N4BP2L1: variants seen among roughly 807,000 people sequenced by gnomAD.
N4BP2L1 encodes NEDD4-binding protein 2-like 1.
Under a neutral mutation model 21.2 loss-of-function variants are expected in N4BP2L1, and 12 were observed. That is an observed-to-expected ratio of 0.57 (90% CI 0.36 to 0.92). The LOEUF (loss-of-function observed/expected upper bound fraction) is 0.92. Among genes scored for constraint, N4BP2L1 ranks in the 40% least tolerant of loss-of-function variants. The pLI is 0.01. For synonymous variants in N4BP2L1, 104 were observed against 112.8 expected (o/e 0.92, Z 0.49); for missense variants, 259 against 310.6 (o/e 0.83, Z 1.25).
intron 4 of N4BP2L1, chr13:32,404,120 C>T: frequency 2.5e-6 from 4 of 1,578,444 alleles, no homozygotes; most frequent in Non-Finnish European, 3.4e-6. Flanking sequence ...CAAGATTTAG[C>T]ATTTAGCATT....
Position 32,402,881 on chromosome 13 carries a change from A to T in N4BP2L1, c.*61T>A. The T allele has an allele frequency of 6.6e-7, 1 of 1,508,790 alleles. No homozygotes were observed. The highest frequency in any genetic ancestry group is 8.9e-7 in the Non-Finnish European group (1 of 1,129,038). 93.5% of individuals were successfully genotyped at this position (1,508,790 alleles called of 1,614,324 possible). ...AGCTCTGACTAAAATGCAACAAAAA[A>T]TAACAAAAACTGAAGTAGAAACTGA... On this transcript the variant is annotated 3_prime_UTR_variant, in exon 5 of 5. Transcript: ENST00000380130.
At chr13:32,404,061 C>A in intron 4 of N4BP2L1, 3 of 1,157,606 alleles carry the variant, frequency 2.6e-6, no homozygotes, top group Non-Finnish European at 3.6e-6. Flanking sequence ...GATGAAGAAG[C>A]ATTTTAGCAG....
chr13:32,424,798 C>A (rs1380512107), intron 1 of N4BP2L1: 2 of 152,140 alleles, frequency 1.3e-5, no homozygotes, highest in African/African-American at 4.8e-5. Flanking sequence ...GTTAAAACTC[C>A]AACTTTTAAA....
chr13:32,423,694 C>G (rs2074609860), intron 1 of N4BP2L1, among the ~76,000 whole-genome samples: 1 of 152,110 alleles, frequency 6.6e-6, no homozygotes, highest in African/African-American at 2.4e-5. Context: ...AGGACAAATA[C>G]CATATGATCC....
chr13:32,413,557 G>GTT (rs2073973844), intron 1 of N4BP2L1, among the ~76,000 whole-genome samples: 4 of 152,126 alleles, frequency 2.6e-5, no homozygotes, highest in African/African-American at 4.8e-5. Context: ...GCTAAAGGGT[G>GTT]GTGTTAGCCA....
At chr13:32,415,968 A>G (rs987898414) in intron 1 of N4BP2L1, 3 of 152,232 alleles carry the variant, frequency 2.0e-5, no homozygotes, top group African/African-American at 7.2e-5. Context: ...CCTCTGGCAC[A>G]TAAGGTCCAC....
At chr13:32,427,674 C>T (rs974485586) in intron 1 of N4BP2L1, among the ~76,000 whole-genome samples, 1 of 152,084 alleles carries the variant, frequency 6.6e-6, no homozygotes, top group Non-Finnish European at 1.5e-5. Flanking sequence ...TCTCCGTGCC[C>T]GCGCCCTCAG....
intron 1 of N4BP2L1, among the ~76,000 whole-genome samples, chr13:32,413,285 T>C (rs539801538): frequency 6.6e-6 from 1 of 152,316 alleles, no homozygotes; most frequent in South Asian, 2.1e-4. Flanking sequence ...AAGAATATTT[T>C]TCATAAGCTT....
At chr13:32,409,113 G>A (rs472817) in intron 1 of N4BP2L1, among the ~76,000 whole-genome samples, 74,536 of 152,068 alleles carry the variant, frequency 0.49, 19,339 homozygotes, top group East Asian at 0.7. Context: ...CTACGCCACA[G>A]TAATAAACAC....
chr13:32,426,171 C>G (rs981438494), intron 1 of N4BP2L1, among the ~76,000 whole-genome samples: 12 of 152,188 alleles, frequency 7.9e-5, no homozygotes, highest in African/African-American at 2.7e-4. Flanking sequence ...CATCATGTTA[C>G]TTCGCTTCCC....
intron 1 of N4BP2L1, among the ~76,000 whole-genome samples, chr13:32,412,844 C>T (rs945135898): frequency 6.6e-6 from 1 of 152,114 alleles, no homozygotes; most frequent in African/African-American, 2.4e-5. Flanking sequence ...GGCCTGTCAT[C>T]CTGAAAGAGC....
chr13:32,427,878 AC>A (rs1001335260), intron 1 of N4BP2L1, 25 bp downstream of exon 1: 2 of 1,419,690 alleles, frequency 1.4e-6, no homozygotes, highest in Non-Finnish European at 1.9e-6. Context: ...GGGCCCGTGC[AC>A]CGGCGCCCAG....
intron 3 of N4BP2L1, 33 bp from the exon 4 acceptor site, chr13:32,404,430 A>ACAT: frequency 6.8e-7 from 1 of 1,461,202 alleles, no homozygotes; most frequent in Non-Finnish European, 9.6e-7. Flanking sequence ...AACATTGAAG[A>ACAT]CATAGTATGT....
At chr13:32,419,785 G>A (rs2074375144) in intron 1 of N4BP2L1, among the ~76,000 whole-genome samples, 1 of 152,178 alleles carries the variant, frequency 6.6e-6, no homozygotes, top group African/African-American at 2.4e-5. Context: ...AATGAGAACA[G>A]ACTAATACAA....
chr13:32,416,209 T>C (rs544092422), intron 1 of N4BP2L1, among the ~76,000 whole-genome samples: 1 of 152,262 alleles, frequency 6.6e-6, no homozygotes, highest in African/African-American at 2.4e-5. Flanking sequence ...GTGCTTATTG[T>C]GTGCTAACCA....
intron 1 of N4BP2L1, among the ~76,000 whole-genome samples, chr13:32,422,282 GA>G (rs1285900661): frequency 1.3e-5 from 2 of 152,008 alleles, no homozygotes; most frequent in African/African-American, 2.4e-5. Context: ...TTATACGACA[GA>G]TCAAAACCAA....
chr13:32,405,235 C>T (rs1351156807), intron 3 of N4BP2L1, among the ~76,000 whole-genome samples: 3 of 152,074 alleles, frequency 2.0e-5, no homozygotes, highest in African/African-American at 7.2e-5. Context: ...TGAGGCCGGG[C>T]GCGGTGGCTC....
intron 3 of N4BP2L1, among the ~76,000 whole-genome samples, chr13:32,405,887 G>GC (rs776509094): frequency 3.1e-4 from 39 of 127,314 alleles, no homozygotes; most frequent in African/African-American, 6.8e-4. Context: ...TCTGCTTCCT[G>GC]CCCCCTTTTT....
At chr13:32,424,278 CTGT>C (rs1488246308) in intron 1 of N4BP2L1, among the ~76,000 whole-genome samples, 1 of 152,206 alleles carries the variant, frequency 6.6e-6, no homozygotes, top group African/African-American at 2.4e-5. Flanking sequence ...CTTAGTCGGG[CTGT>C]TGTTCCTTTT....
Sources: allele counts gnomAD v4.1 joint callset (sites outside exome capture counted in the v4.1 genomes callset), GRCh38; gene constraint gnomAD v4.1.1; transcripts MANE v1.5; gene names NCBI Gene and HGNC (gene_info 2026-07-23, HGNC 2026-07-21).